Variants in CYP2F1 observed in about 807,000 individuals in gnomAD.
CYP2F1 encodes cytochrome P450 2F1.
In CYP2F1, 33 loss-of-function variants were observed where a neutral mutation model predicts 40.4. That is an observed-to-expected ratio of 0.82 (90% CI 0.62 to 1.09). The LOEUF (loss-of-function observed/expected upper bound fraction) is 1.09. Ranked by LOEUF, CYP2F1 falls within the 50% of genes least tolerant of loss-of-function variation. The pLI is 0.00. For synonymous variants in CYP2F1, 235 were observed against 277.2 expected (o/e 0.85, Z 1.51); for missense variants, 566 against 655.7 (o/e 0.86, Z 1.49).
At chr19:41,124,654 TATC>T (rs1386864822) in intron 7 of CYP2F1, 62 bp from the exon 8 acceptor site, 1 of 1,459,350 alleles carries the variant, frequency 6.9e-7, no homozygotes, top group Admixed American at 1.8e-5. Flanking sequence ...ACACACCTCT[TATC>T]AGCCTGGTTG....
chr19:41,119,748 T>TATATATATATACACACACAC (rs1337166345), intron 3 of CYP2F1, among the ~76,000 whole-genome samples: 5 of 36,080 alleles, frequency 1.4e-4, no homozygotes, highest in African/African-American at 2.2e-4. Flanking sequence ...TATATATATA[T>TATATATATATACACACACAC]ACACACACAC....
rs1186033290 is a variant in CYP2F1 at position 41,120,505 on chromosome 19, T to C, written c.484+9T>C. On this transcript the variant is annotated intron_variant, in intron 4 of 9. Transcript: ENST00000331105. Reference sequence around the variant, plus strand: ...GCTGCGGAAAACTGAAGGTCAGGAATTTTTTTTAACAGGCTGGATGGCACG... The same window carrying C: ...GCTGCGGAAAACTGAAGGTCAGGAACTTTTTTTAACAGGCTGGATGGCACG... The C allele has an allele frequency of 1.2e-6, 2 of 1,603,946 alleles. No homozygotes were observed. Among genetic ancestry groups the C allele is most frequent in the Admixed American group, 1.7e-5 (1 of 58,442 alleles).
At position 41,124,817 on chromosome 19, in the gene CYP2F1, G is replaced by T. The variant is rs1232561646; in HGVS notation, c.1063G>T (p.Glu355Ter). 1.9e-6 allele frequency: 3 copies of T among 1,611,664 alleles called. No individual in the cohort carries two copies. The highest frequency in any genetic ancestry group is 1.8e-4 in the Middle Eastern group (1 of 5,496). The part of the protein sequence containing the change: ...AMPYTDAVIH[E>*]VQRFADIIPM... Reference sequence around the variant, plus strand: ...GCCTTACACAGACGCGGTGATCCACGAGGTGCAGCGCTTTGCAGACATCAT... The same window carrying T: ...GCCTTACACAGACGCGGTGATCCACTAGGTGCAGCGCTTTGCAGACATCAT... The change falls in exon 8 of 10, where the codon GAG becomes TAG. Residue 355 changes from glutamate to a stop codon, truncating the protein, a stop_gained. Coordinates refer to ENST00000331105, the MANE Select transcript of CYP2F1 (RefSeq NM_000774.5). LOFTEE classifies it high-confidence loss of function.
Position 41,121,548 on chromosome 19 carries a change from A to G in CYP2F1, c.575A>G (p.Asp192Gly), listed in dbSNP as rs149137622. The part of the protein sequence containing the change: ...VLFGSRFDYD[D>G]ERLLTIIRLI... Reference sequence around the variant, plus strand: ...TTCGGCAGCCGCTTCGACTATGATGATGAGCGTCTGCTCACCATTATCCGC... The same window carrying G: ...TTCGGCAGCCGCTTCGACTATGATGGTGAGCGTCTGCTCACCATTATCCGC... The change falls in exon 5 of 10, where the codon GAT becomes GGT. Residue 192 changes from aspartate (D) to glycine (G), a missense_variant. Asp to Gly is a moderately conservative substitution (Grantham distance 94). Around this residue, in one of 5 missense-constraint regions of CYP2F1, gnomAD observed 264 missense variants for 275.7 expected, o/e 0.96. Transcript: ENST00000331105. 21 of 1,609,276 alleles carry G rather than the reference A, an allele frequency of 1.3e-5. No individual in the cohort carries two copies. Among genetic ancestry groups the G allele is most frequent in the Non-Finnish European group, 1.7e-5 (20 of 1,179,148 alleles).
In CYP2F1 at chr19:41,122,900, A is replaced by G. The variant is rs554179755; in HGVS notation, c.901A>G (p.Lys301Glu). The change falls in exon 7 of 10, where the codon AAG becomes GAG. Residue 301 changes from lysine (K) to glutamate (E), a missense_variant. Coordinates refer to ENST00000331105, the MANE Select transcript of CYP2F1 (RefSeq NM_000774.5). ...TTHNLLFGGT[K>E]TVSTTLHHAF... Reference sequence around the variant, plus strand: ...ACATAACCTGCTCTTTGGCGGCACCAAGACGGTGAGCACCACGCTGCACCA... The same window carrying G: ...ACATAACCTGCTCTTTGGCGGCACCGAGACGGTGAGCACCACGCTGCACCA... 5.4e-5 allele frequency: 87 copies of G among 1,607,442 alleles called. No homozygotes were observed. Among genetic ancestry groups the G allele is most frequent in the Non-Finnish European group, 6.3e-5 (74 of 1,176,240 alleles).
chr19:41,122,829 A>T lies in CYP2F1; in HGVS notation c.830A>T (p.Glu277Val). 1 of 1,536,846 alleles carries T rather than the reference A, an allele frequency of 6.5e-7. No individual in the cohort carries two copies. The highest frequency in any genetic ancestry group is 8.8e-7 in the Non-Finnish European group (1 of 1,141,052). The change falls in exon 7 of 10, where the codon GAG becomes GTG. Residue 277 changes from glutamate to valine, a missense_variant. This residue lies in a region of CYP2F1 where 62 missense variants were observed against 105.6 expected (regional missense o/e 0.59). Transcript: ENST00000331105. ...CFLTKMAEEK[E>V]DPLSHFHMDT... ...ACCCCTCTACCAATGCAGGAGAAGG[A>T]GGACCCACTGAGCCACTTCCACATG... is the stretch of plus-strand genomic sequence containing the variant.
Position 41,128,332 on chromosome 19 carries a change from TG to T in CYP2F1, c.*251del. Reference sequence around the variant, plus strand: ...ATGGCACGCCCTTTTCTAGGCTTTTTGTATCATTTCTTAGTACATTGTAATA... The same window carrying T: ...ATGGCACGCCCTTTTCTAGGCTTTTTTATCATTTCTTAGTACATTGTAATA... On this transcript the variant is annotated 3_prime_UTR_variant, in exon 10 of 10. Transcript: ENST00000331105. The T allele has an allele frequency of 2.3e-6, 1 of 437,258 alleles. No individual in the cohort carries two copies. Among genetic ancestry groups the T allele is most frequent in the South Asian group, 4.4e-5 (1 of 22,518 alleles). 27.1% of individuals were successfully genotyped at this position (437,258 alleles called of 1,614,324 possible). A position where few individuals can be genotyped will look rare whatever the true frequency, so the allele number is the denominator to read the frequency against.
In CYP2F1 at chr19:41,124,864, C is replaced by T. The variant is rs115159306; in HGVS notation, c.1110C>T (p.Arg370=). 4.5e-3 allele frequency: 7,256 copies of T among 1,610,748 alleles called. 98 individuals carry two copies. The highest frequency in any genetic ancestry group is 0.041 in the African/African-American group (3,108 of 74,976). ...TCATCCCCATGAACTTGCCGCACCG[C>T]GTCACTAGGGACACGGCCTTTCGCG... The part of the protein sequence containing the change: ...ADIIPMNLPH[R]VTRDTAFRGF... The change falls in exon 8 of 10, where the codon CGC becomes CGT. Residue 370 remains arginine, a synonymous_variant. Coordinates refer to ENST00000331105, the MANE Select transcript of CYP2F1 (RefSeq NM_000774.5).
chr19:41,127,198 C>G (rs1280948463), intron 9 of CYP2F1, among the ~76,000 whole-genome samples: 1 of 152,136 alleles, frequency 6.6e-6, no homozygotes, highest in African/African-American at 2.4e-5. Context: ...AATACTAAGG[C>G]CTGCCTCTTG....
chr19:41,120,537 T>C (rs748679985), intron 4 of CYP2F1, 41 bp downstream of exon 4: 8 of 1,601,244 alleles, frequency 5.0e-6, no homozygotes, highest in Non-Finnish European at 6.8e-6. Flanking sequence ...CACGATCTTT[T>C]TTTTTTTTAA....
rs763544392 is a variant in CYP2F1, at chr19:41,127,907, G to C, written c.1301G>C (p.Arg434Pro). 19 of 1,611,120 alleles carry C rather than the reference G, an allele frequency of 1.2e-5. No homozygotes were observed. Among genetic ancestry groups the C allele is most frequent in the Middle Eastern group, 1.9e-4 (1 of 5,324 alleles). The change falls in exon 10 of 10, where the codon CGT becomes CCT. Residue 434 changes from arginine (R) to proline (P), a missense_variant. This residue lies in a region of CYP2F1 where 85 missense variants were observed against 84.9 expected (regional missense o/e 1.00). Coordinates refer to ENST00000331105, the MANE Select transcript of CYP2F1 (RefSeq NM_000774.5). ...CATCCTGCCACCCCTGCAGGGCGCC[G>C]TCTGTGCCTGGGAGAGTCGCTGGCG... ...PAFMPFSAGR[R>P]LCLGESLARM...
Position 41,124,795 on chromosome 19 carries a change from T to A in CYP2F1, c.1041T>A (p.Pro347=), listed in dbSNP as rs1045994414. The A allele has an allele frequency of 1.2e-6, 2 of 1,611,148 alleles. No individual in the cohort carries two copies. The highest frequency in any genetic ancestry group is 2.7e-5 in the African/African-American group (2 of 74,886). ...CGCTGAAGGACCGCGCGGCCATGCC[T>A]TACACAGACGCGGTGATCCACGAGG... ...LPALKDRAAM[P]YTDAVIHEVQ... The change falls in exon 8 of 10, where the codon CCT becomes CCA. Residue 347 remains proline (P), a synonymous_variant. Transcript: ENST00000331105.
Position 41,116,466 on chromosome 19 carries a change from G to A in CYP2F1, c.183G>A (p.Glu61=), listed in dbSNP as rs1217977992. The change falls in exon 3 of 10, where the codon GAG becomes GAA. Residue 61 remains glutamate, a synonymous_variant. Coordinates refer to ENST00000331105, the MANE Select transcript of CYP2F1 (RefSeq NM_000774.5). The part of the protein sequence containing the change: ...MLTSLTKLSK[E]YGSMYTVHLG... ...CTTCCTACCCTCAGCTGAGCAAGGA[G>A]TATGGCTCCATGTACACAGTGCACC... is the stretch of plus-strand genomic sequence containing the variant. 8 of 1,612,256 alleles carry A rather than the reference G, an allele frequency of 5.0e-6. No homozygotes were observed. Among genetic ancestry groups the A allele is most frequent in the Non-Finnish European group, 6.8e-6 (8 of 1,178,982 alleles).
chr19:41,119,683 GTCTCTCTC>G (rs1159535426), intron 3 of CYP2F1, among the ~76,000 whole-genome samples: 901 of 13,306 alleles, frequency 0.068, 35 homozygotes, highest in Admixed American at 0.087. Context: ...GCAAGACTCC[GTCTCTCTC>G]TCTCTCTCTC....
chr19:41,124,981 TC>T, intron 8 of CYP2F1, 75 bp downstream of exon 8: 1 of 1,324,920 alleles, frequency 7.5e-7, no homozygotes. Context: ...GCAAGGAGTA[TC>T]CCAGGCACTA....
intron 3 of CYP2F1, among the ~76,000 whole-genome samples, chr19:41,120,100 C>A: frequency 6.6e-6 from 1 of 151,916 alleles, no homozygotes; most frequent in Non-Finnish European, 1.5e-5. Context: ...CAGTAACAGC[C>A]CAGAGTGATC....
intron 9 of CYP2F1, among the ~76,000 whole-genome samples, chr19:41,127,515 G>A (rs1326848399): frequency 1.3e-5 from 2 of 151,950 alleles, no homozygotes; most frequent in Non-Finnish European, 2.9e-5. Context: ...AATTTTTTTT[G>A]TAGAGATGGG....
rs577556963 is a variant in CYP2F1, at chr19:41,128,097, CA to C, written c.*16del. ...GCCCGCGCTAACGCCCCGGCCCTTC[CA>C]GATTCGCCTGTGAGCGATGAGGCCC... On this transcript the variant is annotated 3_prime_UTR_variant, in exon 10 of 10. Transcript: ENST00000331105. The C allele has an allele frequency of 1.3e-3, 2,123 of 1,593,938 alleles. 21 individuals are homozygous for C. The highest frequency in any genetic ancestry group is 8.3e-4 in the Non-Finnish European group (977 of 1,170,158).
Position 41,116,574 on chromosome 19 carries a change from C to G in CYP2F1, c.291C>G (p.Gly97=). The change falls in exon 3 of 10, where the codon GGC becomes GGG. Residue 97 remains glycine (G), a synonymous_variant. Transcript: ENST00000331105. ...TGGACCAGGGAGAGGAGTTTAGTGGCCGCGGTGACTACCCTGCCTTTTTCA... is the reference window on the plus strand; with the variant it reads ...TGGACCAGGGAGAGGAGTTTAGTGGGCGCGGTGACTACCCTGCCTTTTTCA... ...ALVDQGEEFS[G]RGDYPAFFNF... 1.2e-6 allele frequency: 2 copies of G among 1,614,008 alleles called. No individual in the cohort carries two copies. The highest frequency in any genetic ancestry group is 1.7e-6 in the Non-Finnish European group (2 of 1,179,980).
Sources: allele counts gnomAD v4.1 joint callset (sites outside exome capture counted in the v4.1 genomes callset), GRCh38; gene constraint gnomAD v4.1.1; regional missense constraint gnomAD v4.1.1; transcripts MANE v1.5; gene names NCBI Gene and HGNC (gene_info 2026-07-23, HGNC 2026-07-21).